The following SERINC5 variants were observed in gnomAD, a reference collection of about 807,000 sequenced individuals.
SERINC5 encodes serine incorporator 5.
SERINC5 carries 41 observed loss-of-function variants against 63.1 expected under a neutral mutation model. The ratio of observed to expected loss-of-function variants is 0.65; its 90% confidence interval spans 0.51 to 0.84. The LOEUF (loss-of-function observed/expected upper bound fraction) is 0.84, where lower values mean the gene tolerates loss of function less well. Ranked by LOEUF, SERINC5 falls within the 40% of genes least tolerant of loss-of-function variation. The probability of loss-of-function intolerance (pLI) is 0.00; values close to 1 mark genes in which losing one functional copy is unlikely to be tolerated. For synonymous variants in SERINC5, 222 were observed against 215.2 expected (o/e 1.03, Z -0.28); for missense variants, 523 against 573.0 (o/e 0.91, Z 0.89).
Position 80,143,778 on chromosome 5 carries a change from C to G in SERINC5, c.1271G>C (p.Ser424Thr). ...GACCCAGAAGATGGACCAGCTCCCG[C>G]TGAAGAAGCTCTCGATGTTGGCACT... ...YESANIESFF[S>T]GSWSIFWVKM... is the part of the protein sequence containing the mutation. Residue 424 changes from serine (S) to threonine (T), a missense_variant, in exon 12 of 12, where the codon AGC (serine) becomes ACC (threonine). Ser to Thr is a moderately conservative substitution (Grantham distance 58, BLOSUM62 1). Coordinates refer to ENST00000507668, the MANE Select transcript of SERINC5 (RefSeq NM_001174072.3). 1 of 1,536,142 alleles carries G rather than the reference C, an allele frequency of 6.5e-7. No homozygotes were observed. Among genetic ancestry groups the G allele is most frequent in the Non-Finnish European group, 8.7e-7 (1 of 1,146,884 alleles).
At chr5:80,181,110 AG>A in intron 2 of SERINC5, among the ~76,000 whole-genome samples, 1 of 152,278 alleles carries the variant, frequency 6.6e-6, no homozygotes. Context: ...TCTACTGGGC[AG>A]GGGGGCAAGG....
At chr5:80,195,318 C>G (rs1749431877) in intron 2 of SERINC5, among the ~76,000 whole-genome samples, 2 of 151,428 alleles carry the variant, frequency 1.3e-5, no homozygotes, top group African/African-American at 4.9e-5. Context: ...ACAATGTATT[C>G]AAATTATATC....
At chr5:80,147,351 A>G (rs1745888265) in intron 9 of SERINC5, 67 bp from the exon 10 acceptor site, 1 of 1,507,410 alleles carries the variant, frequency 6.6e-7, no homozygotes. Flanking sequence ...GCAAGACAAC[A>G]GTAACCCTTA....
chr5:80,252,088 C>T (rs1752455216), intron 1 of SERINC5, among the ~76,000 whole-genome samples: 1 of 129,130 alleles, frequency 7.7e-6, no homozygotes, highest in Non-Finnish European at 1.6e-5. Flanking sequence ...TTTGAGACAG[C>T]GTCTCACTCT....
At chr5:80,171,274 T>C (rs1747637342) in intron 5 of SERINC5, among the ~76,000 whole-genome samples, 1 of 152,140 alleles carries the variant, frequency 6.6e-6, no homozygotes, top group South Asian at 2.1e-4. Flanking sequence ...CCCAAAGTGC[T>C]AGGATTACAG....
intron 1 of SERINC5, among the ~76,000 whole-genome samples, chr5:80,250,298 G>C (rs1252210067): frequency 1.3e-5 from 2 of 152,116 alleles, no homozygotes; most frequent in African/African-American, 4.8e-5. Flanking sequence ...GTAGAGATTT[G>C]GGTTTTACAG....
chr5:80,219,974 G>A lies in SERINC5; in HGVS notation c.28-16921C>T, dbSNP rs10066054. Reference sequence around the variant, plus strand: ...CTGTAATCCCAGCACTTTGGAGGCCGAGGCAGGTGGATCACCTGAGGTCAG... The same window carrying A: ...CTGTAATCCCAGCACTTTGGAGGCCAAGGCAGGTGGATCACCTGAGGTCAG... On this transcript the variant is annotated intron_variant, in intron 1 of 11. Coordinates refer to ENST00000507668, the MANE Select transcript of SERINC5 (RefSeq NM_001174072.3). 4.5e-3 allele frequency among the ~76,000 whole-genome samples: 689 copies of A among 152,104 alleles called. 8 individuals are homozygous for A. The highest frequency in any genetic ancestry group is 0.016 in the African/African-American group (659 of 41,502).
intron 1 of SERINC5, among the ~76,000 whole-genome samples, chr5:80,203,408 AC>A (rs1561423332): frequency 6.6e-6 from 1 of 151,618 alleles, no homozygotes; most frequent in Non-Finnish European, 1.5e-5. Flanking sequence ...GCAGTGATTC[AC>A]ACCTTTAATC....
chr5:80,245,433 A>C (rs918872058), intron 1 of SERINC5, among the ~76,000 whole-genome samples: 4 of 152,094 alleles, frequency 2.6e-5, no homozygotes, highest in African/African-American at 9.7e-5. Context: ...AAAAGATAAA[A>C]GGTGCAAAGC....
At chr5:80,154,623 CA>C (rs1746409022) in intron 8 of SERINC5, among the ~76,000 whole-genome samples, 2 of 151,692 alleles carry the variant, frequency 1.3e-5, no homozygotes, top group African/African-American at 2.4e-5. Flanking sequence ...CAGAATGTAC[CA>C]AAAAAATAAA....
At chr5:80,237,775 A>G (rs553974620) in intron 1 of SERINC5, among the ~76,000 whole-genome samples, 200 of 151,782 alleles carry the variant, frequency 1.3e-3, no homozygotes, top group African/African-American at 4.7e-3. Flanking sequence ...AAAAGAAGTC[A>G]GAGACTCAGC....
In SERINC5 at chr5:80,139,217, TGTA is replaced by T; in HGVS notation, c.*4443_*4445del. 1.0e-6 allele frequency: 1 copy of T among 976,554 alleles called. No homozygotes were observed. The highest frequency in any genetic ancestry group is 1.2e-6 in the Non-Finnish European group (1 of 821,960). 60.5% of individuals were successfully genotyped at this position (976,554 alleles called of 1,614,324 possible). A position where few individuals can be genotyped will look rare whatever the true frequency, so the allele number is the denominator to read the frequency against. On this transcript the variant is annotated 3_prime_UTR_variant, in exon 12 of 12. Transcript: ENST00000507668. ...AGCAAAGTTATATCTATAAAACTTT[TGTA>T]GTTTTCTTTTTGCAAAGTAAAAAGG...
intron 7 of SERINC5, among the ~76,000 whole-genome samples, chr5:80,166,035 A>C (rs543181182): frequency 6.6e-6 from 1 of 152,188 alleles, no homozygotes; most frequent in Non-Finnish European, 1.5e-5. Flanking sequence ...ACAGGTGTGA[A>C]ACATGTAACA....
chr5:80,250,586 A>G (rs1752366593), intron 1 of SERINC5, among the ~76,000 whole-genome samples: 2 of 152,212 alleles, frequency 1.3e-5, no homozygotes, highest in African/African-American at 4.8e-5. Flanking sequence ...TGAGCCTCCC[A>G]AAGTGCTGGG....
intron 2 of SERINC5, among the ~76,000 whole-genome samples, chr5:80,183,514 T>A (rs2112436139): frequency 6.6e-6 from 1 of 152,240 alleles, no homozygotes; most frequent in East Asian, 1.9e-4. Context: ...CCCTGTGACT[T>A]GCACGTATAC....
intron 1 of SERINC5, among the ~76,000 whole-genome samples, chr5:80,225,097 C>T (rs904452246): frequency 3.3e-5 from 5 of 152,090 alleles, no homozygotes; most frequent in East Asian, 1.9e-4. Context: ...CACGCCACCA[C>T]ACCCAGCTAA....
At chr5:80,145,097 T>C (rs1159230738) in intron 11 of SERINC5, among the ~76,000 whole-genome samples, 1 of 151,762 alleles carries the variant, frequency 6.6e-6, no homozygotes, top group Non-Finnish European at 1.5e-5. Flanking sequence ...TCTCAGCACT[T>C]TGGGAGGCTG....
intron 5 of SERINC5, among the ~76,000 whole-genome samples, chr5:80,173,316 C>T (rs1455111162): frequency 1.3e-5 from 2 of 151,950 alleles, no homozygotes; most frequent in Non-Finnish European, 2.9e-5. Context: ...AGAAAAGAAG[C>T]CGGGTGCAGT....
intron 1 of SERINC5, among the ~76,000 whole-genome samples, chr5:80,223,757 A>G (rs1751029406): frequency 6.6e-6 from 1 of 152,182 alleles, no homozygotes; most frequent in South Asian, 2.1e-4. Flanking sequence ...GGTAGCTCTC[A>G]CCATAGCCAG....
Sources: gnomAD v4.1 joint callset for allele counts (sites outside exome capture counted in the v4.1 genomes callset) on GRCh38, gnomAD v4.1.1 for gene constraint, MANE v1.5 for transcripts, NCBI Gene and HGNC (gene_info 2026-07-23, HGNC 2026-07-21) for gene names.